DNAH9: variants seen among roughly 807,000 people sequenced by gnomAD.
The protein encoded by DNAH9 is DNAH9 variant protein.
DNAH9 carries 345 observed loss-of-function variants against 471.6 expected under a neutral mutation model. The observed-to-expected ratio is 0.73, with a 90% CI of 0.67 to 0.80. The LOEUF (loss-of-function observed/expected upper bound fraction) is 0.80. DNAH9 is among the 30% of genes least tolerant of loss of function. DNAH9 has a pLI of 0.00. For missense variants in DNAH9, 5,407 were observed against 5,609.2 expected, an observed-to-expected ratio of 0.96 and a Z score of 1.15; for synonymous variants, 2,093 against 2,123.6, an observed-to-expected ratio of 0.99 and a Z score of 0.40.
intron 48 of DNAH9, among the ~76,000 whole-genome samples, chr17:11,834,328 C>CAAAAAAAAAAAAAAAAAAAAAAAAAA (rs762924565): frequency 1.3e-5 from 1 of 77,846 alleles, no homozygotes; most frequent in African/African-American, 5.0e-5. Flanking sequence ...GACTCCGTCT[C>CAAAAAAAAAAAAAAAAAAAAAAAAAA]AAAAAAAAAA....
chr17:11,740,473 A>G (rs577747827), intron 29 of DNAH9, among the ~76,000 whole-genome samples: 1 of 152,268 alleles, frequency 6.6e-6, no homozygotes, highest in Non-Finnish European at 1.5e-5. Flanking sequence ...CATGGAGGAA[A>G]GAGGATGAGC....
Position 11,776,718 on chromosome 17 carries a change from C to T in DNAH9, c.7553-4291C>T, listed in dbSNP as rs79410584. Among the ~76,000 whole-genome samples, 1,599 of 152,342 alleles carry T rather than the reference C, an allele frequency of 0.01. 43 individuals are homozygous for T. The East Asian group carries it at 0.12, about 11-fold the overall frequency. On this transcript the variant is annotated intron_variant, in intron 38 of 68. Transcript: ENST00000262442. ...TAATAGAACGCCAACTCTGCTTCCA[C>T]TCATCTGATATCTAGAGCATATGGA...
At chr17:11,612,108 TAACAC>T in intron 4 of DNAH9, 2 of 570,514 alleles carry the variant, frequency 3.5e-6, no homozygotes, top group Non-Finnish European at 6.2e-6. Flanking sequence ...CTTATTGACT[TAACAC>T]AACAATGTTC....
intron 49 of DNAH9, among the ~76,000 whole-genome samples, chr17:11,847,312 G>T (rs975738766): frequency 6.6e-6 from 1 of 152,118 alleles, no homozygotes; most frequent in African/African-American, 2.4e-5. Flanking sequence ...GTATTGCCTA[G>T]GTTGTCTTCT....
Position 11,783,764 on chromosome 17 carries a change from T to C in DNAH9, c.7821+16T>C, listed in dbSNP as rs1228182859. The C allele has an allele frequency of 6.2e-7, 1 of 1,600,940 alleles. No individual in the cohort carries two copies. The highest frequency in any genetic ancestry group is 8.6e-7 in the Non-Finnish European group (1 of 1,168,072). ...CCGGCTTCAGGTACAGGAGGAGCCA[T>C]GGGACCTGGGTCCTAATCCTATCTT... On this transcript the variant is annotated intron_variant, in intron 40 of 68. Coordinates refer to ENST00000262442, the MANE Select transcript of DNAH9 (RefSeq NM_001372.4).
At chr17:11,781,800 C>T (rs985915803) in intron 39 of DNAH9, among the ~76,000 whole-genome samples, 1 of 148,010 alleles carries the variant, frequency 6.8e-6, no homozygotes, top group Non-Finnish European at 1.5e-5. Flanking sequence ...CCACTGCACT[C>T]CAGCCTGGGC....
chr17:11,624,113 G>A (rs974687191), intron 6 of DNAH9, among the ~76,000 whole-genome samples: 1 of 152,164 alleles, frequency 6.6e-6, no homozygotes, highest in Admixed American at 6.6e-5. Flanking sequence ...TAATCTCTTA[G>A]AGATTTAACC....
chr17:11,925,171 T>C (rs1242233781), intron 62 of DNAH9: 6 of 455,708 alleles, frequency 1.3e-5, no homozygotes, highest in Admixed American at 7.1e-5. Context: ...TAAAGAGATG[T>C]TCCTTCTTTA....
chr17:11,947,772 A>ATTTT (rs71367359), intron 67 of DNAH9, among the ~76,000 whole-genome samples: 11 of 108,334 alleles, frequency 1.0e-4, no homozygotes, highest in African/African-American at 2.7e-4. Context: ...GCTGGGAACT[A>ATTTT]TTTTTTTTTT....
At chr17:11,967,096 G>T (rs372597804) in intron 68 of DNAH9, among the ~76,000 whole-genome samples, 1 of 149,746 alleles carries the variant, frequency 6.7e-6, no homozygotes, top group South Asian at 2.1e-4. Flanking sequence ...ATGTACATTA[G>T]AATATTTTTT....
In DNAH9 at chr17:11,881,260, C is replaced by T. The variant is rs1298029382; in HGVS notation, c.10653C>T (p.Leu3551=). ...GTGAATACAATCCCAAGTTCCGGCT[C>T]ATCCTCCACACCAAGCTGGCTAATC... ...KECEYNPKFR[L]ILHTKLANPH... Residue 3551 remains leucine, a synonymous_variant, in exon 55 of 69, where the codon CTC becomes CTT. Transcript: ENST00000262442. 3.1e-6 allele frequency: 5 copies of T among 1,614,080 alleles called. No homozygotes were observed. Among genetic ancestry groups the T allele is most frequent in the Non-Finnish European group, 4.2e-6 (5 of 1,180,048 alleles).
chr17:11,654,355 C>CAAAAAAAAAAAAAAAAAAAAAAAA (rs527835262), intron 14 of DNAH9, among the ~76,000 whole-genome samples: 2 of 11,264 alleles, frequency 1.8e-4, no homozygotes, highest in African/African-American at 1.2e-4. Flanking sequence ...GACTCCGTCT[C>CAAAAAAAAAAAAAAAAAAAAAAAA]AAAAAAAAAA....
rs1285073084 is a variant in DNAH9 at position 11,949,755 on chromosome 17, A to G, written c.12843+7270A>G. 2.0e-5 allele frequency among the ~76,000 whole-genome samples: 3 copies of G among 152,166 alleles called. No homozygotes were observed. The East Asian group carries it at 5.8e-4, about 29-fold the overall frequency. ...CTCCACCACAAAGTGCTGGGATTAC[A>G]GGTGTGAGCCACCATGCCCAGCCAA... On this transcript the variant is annotated intron_variant, in intron 67 of 68. Transcript: ENST00000262442.
Position 11,733,879 on chromosome 17 carries a change from A to G in DNAH9, c.5815-5001A>G, listed in dbSNP as rs1035250018. Among the ~76,000 whole-genome samples the G allele has an allele frequency of 4.0e-5, 6 of 149,950 alleles. 1 individual carries two copies. The highest frequency in any genetic ancestry group is 8.9e-5 in the Non-Finnish European group (6 of 67,454). On this transcript the variant is annotated intron_variant, in intron 28 of 68. Transcript: ENST00000262442. ...CCATCTCAAAAAAAAAAAAAAAAAAAGTAAAACCTGGGCAAATTATCCAAA... is the reference window on the plus strand; with the variant it reads ...CCATCTCAAAAAAAAAAAAAAAAAAGGTAAAACCTGGGCAAATTATCCAAA...
chr17:11,842,663 G>C (rs780874831), intron 49 of DNAH9, among the ~76,000 whole-genome samples: 1 of 152,216 alleles, frequency 6.6e-6, no homozygotes, highest in Non-Finnish European at 1.5e-5. Context: ...TCTGATGTTA[G>C]AGGGCAGAAA....
chr17:11,880,790 T>A (rs1040574392), intron 54 of DNAH9, among the ~76,000 whole-genome samples: 1 of 152,172 alleles, frequency 6.6e-6, no homozygotes, highest in Non-Finnish European at 1.5e-5. Flanking sequence ...GCTCGTTTAC[T>A]TGGTTAATCA....
At chr17:11,945,844 G>A (rs994339162) in intron 67 of DNAH9, among the ~76,000 whole-genome samples, 6 of 151,518 alleles carry the variant, frequency 4.0e-5, no homozygotes, top group South Asian at 2.1e-4. Flanking sequence ...GGATCACGAG[G>A]TCAGGAGATC....
At position 11,810,307 on chromosome 17, in the gene DNAH9, T is replaced by A. The variant is rs779380010; in HGVS notation, c.8645T>A (p.Met2882Lys). 15 of 1,613,972 alleles carry A rather than the reference T, an allele frequency of 9.3e-6. No individual in the cohort carries two copies. The South Asian group carries it at 1.3e-4, about 14-fold the overall frequency. ...AAGAATCTCAACACAGTGTTTCTCA[T>A]GACTGATGCCCAAGTGGCTGATGAG... ...GVKNLNTVFL[M>K]TDAQVADERF... is the part of the protein sequence containing the mutation. The change falls in exon 45 of 69, where the codon ATG (methionine) becomes AAG (lysine). Residue 2882 changes from methionine to lysine, a missense_variant. By Grantham distance (95) the Met-to-Lys change is moderately conservative. Coordinates refer to ENST00000262442, the MANE Select transcript of DNAH9 (RefSeq NM_001372.4).
intron 3 of DNAH9, among the ~76,000 whole-genome samples, chr17:11,610,924 G>A (rs1002728513): frequency 1.6e-4 from 25 of 152,162 alleles, no homozygotes; most frequent in African/African-American, 5.8e-4. Context: ...CTTTTGTAAA[G>A]TTCTGAATAC....
Sources: allele counts gnomAD v4.1 joint callset (sites outside exome capture counted in the v4.1 genomes callset), GRCh38; gene constraint gnomAD v4.1.1; transcripts MANE v1.5; gene names NCBI Gene and HGNC (gene_info 2026-07-23, HGNC 2026-07-21).